Variants in PMM2 observed in about 807,000 individuals in gnomAD.
PMM2 encodes the protein phosphomannomutase 2.
Under a neutral mutation model 33.2 loss-of-function variants are expected in PMM2, and 35 were observed. The ratio of observed to expected loss-of-function variants is 1.06; its 90% CI spans 0.81 to 1.40. PMM2 has a LOEUF of 1.40. PMM2 is among the 40% of genes most tolerant of loss of function. The pLI is 0.00. For missense variants in PMM2, 386 were observed against 306.0 expected, an observed-to-expected ratio of 1.26 and a Z score of -1.95; for synonymous variants, 153 against 114.7, an observed-to-expected ratio of 1.33 and a Z score of -2.13.
In PMM2 at chr16:8,847,993, TC is replaced by T. The variant is rs1255214815; in HGVS notation, c.*170del. 8.0e-6 allele frequency: 5 copies of T among 622,338 alleles called. No individual in the cohort carries two copies. Among genetic ancestry groups the T allele is most frequent in the Admixed American group, 5.0e-5 (2 of 40,328 alleles). The allele number at this position is 622,338 out of a possible 1,614,324, so 38.6% of individuals were successfully genotyped here. On this transcript the variant is annotated 3_prime_UTR_variant, in exon 8 of 8. Transcript: ENST00000268261. ...ACTTCCACCTCCAGTGCCAGAAACT[TC>T]CAGAAGGAAGGAGAAAACTCTTGTC...
chr16:8,817,739 A>C (rs780902816), intron 7 of PMM2, among the ~76,000 whole-genome samples: 4 of 152,192 alleles, frequency 2.6e-5, no homozygotes, highest in Non-Finnish European at 5.9e-5. Flanking sequence ...AATTAGAGAA[A>C]GTACGAAGAA....
chr16:8,846,417 G>C (rs79414795), intron 7 of PMM2, among the ~76,000 whole-genome samples: 1 of 152,136 alleles, frequency 6.6e-6, no homozygotes, highest in Non-Finnish European at 1.5e-5. Flanking sequence ...TTGAGTTAGA[G>C]TGATTATCCA....
intron 7 of PMM2, among the ~76,000 whole-genome samples, chr16:8,836,232 G>T (rs934504606): frequency 1.3e-5 from 2 of 151,902 alleles, no homozygotes; most frequent in African/African-American, 4.8e-5. Context: ...CCGATGCTCG[G>T]CGTCCGTGAT....
chr16:8,826,911 A>C (rs372066238), intron 7 of PMM2, among the ~76,000 whole-genome samples: 9 of 152,018 alleles, frequency 5.9e-5, no homozygotes, highest in African/African-American at 2.2e-4. Flanking sequence ...CAGTCGTTCT[A>C]TTTTAGGACA....
chr16:8,836,119 C>T (rs560178968), intron 7 of PMM2, among the ~76,000 whole-genome samples: 202 of 151,406 alleles, frequency 1.3e-3, no homozygotes, highest in African/African-American at 4.0e-3. Flanking sequence ...ACAACAGTTA[C>T]GGAGGCAAGG....
At chr16:8,806,633 A>G (rs1363946360) in intron 4 of PMM2, 5 of 575,044 alleles carry the variant, frequency 8.7e-6, no homozygotes, top group Non-Finnish European at 1.5e-5. Flanking sequence ...GGTTCACAGC[A>G]GGGTTCAGTA....
chr16:8,811,647 A>G lies in PMM2; in HGVS notation c.457A>G (p.Ile153Val), dbSNP rs1596489094. The G allele has an allele frequency of 2.5e-6, 4 of 1,611,236 alleles. No individual in the cohort carries two copies. The highest frequency in any genetic ancestry group is 3.4e-6 in the Non-Finnish European group (4 of 1,177,346). The change falls in exon 6 of 8, where the codon ATA becomes GTA. Residue 153 changes from isoleucine to valine, a missense_variant. By Grantham distance (29) the Ile-to-Val change is conservative (BLOSUM62 3). Transcript: ENST00000268261. ...EFYELDKKENIRQKFVADLRK... is the reference protein window; with the variant it reads ...EFYELDKKENVRQKFVADLRK... ...TTTTTGTTTTTCTCAGAAAGAAAAT[A>G]TAAGACAAAAGTTTGTAGCAGATCT...
intron 7 of PMM2, among the ~76,000 whole-genome samples, chr16:8,839,549 G>A (rs889633732): frequency 3.3e-5 from 5 of 151,964 alleles, no homozygotes; most frequent in African/African-American, 1.2e-4. Flanking sequence ...ACAAGAGGAG[G>A]GCCTGGGAGG....
At chr16:8,830,087 T>C (rs1324698899) in intron 7 of PMM2, among the ~76,000 whole-genome samples, 2 of 152,300 alleles carry the variant, frequency 1.3e-5, no homozygotes, top group African/African-American at 2.4e-5. Context: ...CAGGACTGTT[T>C]ATTGCAGTTA....
At chr16:8,845,152 AT>A (rs2060917071) in intron 7 of PMM2, among the ~76,000 whole-genome samples, 1 of 152,204 alleles carries the variant, frequency 6.6e-6, no homozygotes, top group African/African-American at 2.4e-5. Flanking sequence ...GTGGATTATC[AT>A]TAGTTCTTAT....
chr16:8,810,920 A>G (rs2060673588), intron 4 of PMM2, 159 bp from the exon 5 acceptor site: 1 of 666,578 alleles, frequency 1.5e-6, no homozygotes, highest in Admixed American at 2.2e-5. Flanking sequence ...TAATAGTCAC[A>G]GTAGTTCATG....
At chr16:8,807,314 A>G (rs1308731285) in intron 4 of PMM2, among the ~76,000 whole-genome samples, 1 of 151,988 alleles carries the variant, frequency 6.6e-6, no homozygotes, top group Non-Finnish European at 1.5e-5. Context: ...GCCTGATTTT[A>G]TGTTTTAAAC....
At chr16:8,820,207 T>C (rs111715840) in intron 7 of PMM2, among the ~76,000 whole-genome samples, 1 of 151,966 alleles carries the variant, frequency 6.6e-6, no homozygotes, top group Non-Finnish European at 1.5e-5. Context: ...AATAAACAAA[T>C]AAAGAAAAAC....
At chr16:8,822,735 T>C (rs1172686110) in intron 7 of PMM2, among the ~76,000 whole-genome samples, 1 of 152,168 alleles carries the variant, frequency 6.6e-6, no homozygotes, top group Non-Finnish European at 1.5e-5. Flanking sequence ...ACAGGGAGCG[T>C]AGTCAGGGTA....
At chr16:8,817,153 G>T (rs1195986328) in intron 7 of PMM2, among the ~76,000 whole-genome samples, 1 of 152,218 alleles carries the variant, frequency 6.6e-6, no homozygotes, top group East Asian at 1.9e-4. Flanking sequence ...GAAAGATCTT[G>T]TTCTAAATCC....
At chr16:8,830,208 C>T (rs1481734456) in intron 7 of PMM2, among the ~76,000 whole-genome samples, 1 of 152,210 alleles carries the variant, frequency 6.6e-6, no homozygotes, top group East Asian at 1.9e-4. Flanking sequence ...GATCCATCAC[C>T]AGTGAGGGGG....
In PMM2 at chr16:8,801,829, C is replaced by G. The variant is rs149530060; in HGVS notation, c.97C>G (p.Gln33Glu). ...TACCAAAGAAATGGATGACTTCCTACAAAAATTGAGGCAGAAGATCAAAAT... is the reference window on the plus strand; with the variant it reads ...TACCAAAGAAATGGATGACTTCCTAGAAAAATTGAGGCAGAAGATCAAAAT... ...KITKEMDDFL[Q>E]KLRQKIKIGV... The change falls in exon 2 of 8, where the codon CAA (glutamine) becomes GAA (glutamate). Residue 33 changes from glutamine (Q) to glutamate (E), a missense_variant. Physicochemically the swap from Gln to Glu is conservative, Grantham distance 29. Transcript: ENST00000268261. The G allele has an allele frequency of 6.2e-7, 1 of 1,611,042 alleles. No homozygotes were observed. The highest frequency in any genetic ancestry group is 2.2e-5 in the East Asian group (1 of 44,726).
chr16:8,835,203 G>A (rs555907080), intron 7 of PMM2, among the ~76,000 whole-genome samples: 1 of 151,450 alleles, frequency 6.6e-6, no homozygotes, highest in African/African-American at 2.4e-5. Context: ...TGTTGTGTAA[G>A]AATTCTGACC....
chr16:8,798,779 A>T (rs1008819611), intron 1 of PMM2, among the ~76,000 whole-genome samples: 9 of 152,098 alleles, frequency 5.9e-5, no homozygotes, highest in African/African-American at 2.2e-4. Flanking sequence ...AACACTGGCC[A>T]TTTCAACTTG....
Sources: gnomAD v4.1 joint callset for allele counts (sites outside exome capture counted in the v4.1 genomes callset) on GRCh38, gnomAD v4.1.1 for gene constraint, MANE v1.5 for transcripts, NCBI Gene and HGNC (gene_info 2026-07-23, HGNC 2026-07-21) for gene names.